The following SIGLEC1 variants were observed in gnomAD, a reference collection of about 807,000 sequenced individuals.
SIGLEC1 encodes the protein sialoadhesin.
In SIGLEC1, 132 loss-of-function variants were observed where a neutral mutation model predicts 148.0. That is an observed-to-expected ratio of 0.89 (90% CI 0.77 to 1.03). The LOEUF is 1.03. Ranked by LOEUF, SIGLEC1 falls within the 50% of genes least tolerant of loss-of-function variation. The pLI is 0.00. For synonymous variants in SIGLEC1, 945 were observed against 969.0 expected (o/e 0.98, Z 0.46); for missense variants, 2,253 against 2,271.4 (o/e 0.99, Z 0.16).
chr20:3,706,561 G>C lies in SIGLEC1; in HGVS notation c.195C>G (p.Gly65=), dbSNP rs767126749. The change falls in exon 3 of 22, where the codon GGC becomes GGG. Residue 65 remains glycine (G), a synonymous_variant. Transcript: ENST00000344754. ...CCGAGTGGCTCACCACCTGCCGCTGGCCCGAGTAGTCGTAGTACCAGATGG... is the reference window on the plus strand; with the variant it reads ...CCGAGTGGCTCACCACCTGCCGCTGCCCCGAGTAGTCGTAGTACCAGATGG... ...ITAIWYYDYS[G]QRQVVSHSAD... is the part of the protein sequence containing the mutation. The C allele has an allele frequency of 6.2e-7, 1 of 1,612,884 alleles. No homozygotes were observed. Among genetic ancestry groups the C allele is most frequent in the Non-Finnish European group, 8.5e-7 (1 of 1,179,854 alleles).
At position 3,694,240 on chromosome 20, in the gene SIGLEC1, T is replaced by A. The variant is rs771657782; in HGVS notation, c.3237A>T (p.Ser1079=). ...ASNTLGQASA[S]ADFDAQAVNV... is the part of the protein sequence containing the mutation. ...ACTGACCTTGAGCGTCGAAGTCAGC[T>A]GAGGCCGAGGCCTGGCCCAGGGTGT... Residue 1079 remains serine (S), a synonymous_variant, in exon 13 of 22, where the codon TCA becomes TCT. Transcript: ENST00000344754. 7 of 1,610,236 alleles carry A rather than the reference T, an allele frequency of 4.3e-6. No individual in the cohort carries two copies. Among genetic ancestry groups the A allele is most frequent in the Non-Finnish European group, 5.1e-6 (6 of 1,178,692 alleles).
intron 19 of SIGLEC1, 74 bp downstream of exon 19, chr20:3,689,888 G>A (rs746385685): frequency 7.5e-6 from 10 of 1,338,990 alleles, no homozygotes; most frequent in East Asian, 2.5e-5. Context: ...AGGGATACAG[G>A]GAAGGAAGCC....
intron 18 of SIGLEC1, 124 bp downstream of exon 18, chr20:3,691,216 G>A (rs1718060660): frequency 1.6e-6 from 2 of 1,246,978 alleles, no homozygotes; most frequent in Admixed American, 4.0e-5. Flanking sequence ...GGGAGAGCCA[G>A]GATTCCAACC....
chr20:3,697,399 C>A (rs1436893851), intron 9 of SIGLEC1, 57 bp from the exon 10 acceptor site: 2 of 1,601,624 alleles, frequency 1.2e-6, no homozygotes, highest in African/African-American at 1.3e-5. Context: ...AGCCAGGGGT[C>A]CAGCCGCCCA....
chr20:3,704,677 C>G (rs981630745), intron 4 of SIGLEC1, among the ~76,000 whole-genome samples: 2 of 152,236 alleles, frequency 1.3e-5, no homozygotes, highest in African/African-American at 4.8e-5. Flanking sequence ...AGTGCAGAGG[C>G]ACAATCATAG....
chr20:3,705,659 C>T (rs540478454), intron 4 of SIGLEC1, 85 bp downstream of exon 4: 19 of 1,442,526 alleles, frequency 1.3e-5, no homozygotes, highest in East Asian at 6.9e-5. Flanking sequence ...GCAAGGGTTC[C>T]GTTTCTGTGG....
rs777553761 is a variant in SIGLEC1, at chr20:3,696,804, C to T, written c.2465G>A (p.Arg822His). 11 of 1,610,382 alleles carry T rather than the reference C, an allele frequency of 6.8e-6. No homozygotes were observed. The highest frequency in any genetic ancestry group is 5.3e-5 in the African/African-American group (4 of 74,876). ...MALFICTVDS[R>H]PLALLALFHG... is the part of the protein sequence containing the mutation. ...GAACAAGGCCAGCAAGGCCAGGGGG[C>T]GGCTGTCCACAGTGCAGATGAACAG... The change falls in exon 11 of 22, where the codon CGC (arginine) becomes CAC (histidine). Residue 822 changes from arginine to histidine, a missense_variant. Physicochemically the swap from Arg to His is conservative, Grantham distance 29. Transcript: ENST00000344754.
Position 3,691,562 on chromosome 20 carries a change from C to T in SIGLEC1, c.4369G>A (p.Glu1457Lys), listed in dbSNP as rs765002728. Residue 1457 changes from glutamate to lysine, a missense_variant, in exon 18 of 22, where the codon GAG (glutamate) becomes AAG (lysine). Transcript: ENST00000344754. ...VVAEPGLDVP[E>K]GAALNLSCRL... is the part of the protein sequence containing the mutation. The stretch of plus-strand genomic sequence containing the variant: ...CAGCTGAGGTTCAGGGCAGCGCCCT[C>T]AGGCACGTCCAGGCCAGGCTCTGCC... The T allele has an allele frequency of 6.2e-7, 1 of 1,612,904 alleles. No individual in the cohort carries two copies. The highest frequency in any genetic ancestry group is 8.5e-7 in the Non-Finnish European group (1 of 1,179,942).
Position 3,691,977 on chromosome 20 carries a change from C to A in SIGLEC1, c.4256G>T (p.Gly1419Val), listed in dbSNP as rs1416850951. The A allele has an allele frequency of 6.2e-7, 1 of 1,612,284 alleles. No homozygotes were observed. Among genetic ancestry groups the A allele is most frequent in the Non-Finnish European group, 8.5e-7 (1 of 1,178,898 alleles). The change falls in exon 17 of 22, where the codon GGT becomes GTT. Residue 1419 changes from glycine (G) to valine (V), a missense_variant. Coordinates refer to ENST00000344754, the MANE Select transcript of SIGLEC1 (RefSeq NM_023068.4). ...LRLQVQDVPAGDDTYVCTAQN... is the reference protein window; with the variant it reads ...LRLQVQDVPAVDDTYVCTAQN... Reference sequence around the variant, plus strand: ...GGCTGTGCAAACATAGGTGTCATCACCTGCAGGCACATCTTGCACCTGCAG... The same window carrying A: ...GGCTGTGCAAACATAGGTGTCATCAACTGCAGGCACATCTTGCACCTGCAG...
intron 6 of SIGLEC1, among the ~76,000 whole-genome samples, chr20:3,702,427 A>C (rs1213904268): frequency 6.6e-6 from 1 of 152,084 alleles, no homozygotes; most frequent in East Asian, 1.9e-4. Context: ...CTCTACAAAA[A>C]CACAAAAATT....
chr20:3,705,880 C>A lies in SIGLEC1; in HGVS notation c.570G>T (p.Lys190Asn), dbSNP rs758709994. 24 of 1,614,172 alleles carry A rather than the reference C, an allele frequency of 1.5e-5. No homozygotes were observed. The highest frequency in any genetic ancestry group is 9.3e-5 in the African/African-American group (7 of 75,052). Residue 190 changes from lysine (K) to asparagine (N), a missense_variant, in exon 4 of 22, where the codon AAG becomes AAT. Physicochemically the swap from Lys to Asn is moderately conservative, Grantham distance 94. Coordinates refer to ENST00000344754, the MANE Select transcript of SIGLEC1 (RefSeq NM_023068.4). ...GGTGGCCGACGCCGGTGGGCTCAAA[C>A]TTCTGGCTGTTGAAGGTGACAGAGC... ...PARSVTFNSQ[K>N]FEPTGVGHLE...
rs750694661 is a variant in SIGLEC1, at chr20:3,691,494, A to G, written c.4437T>C (p.Phe1479=). The change falls in exon 18 of 22, where the codon TTT becomes TTC. Residue 1479 remains phenylalanine (F), a synonymous_variant. Transcript: ENST00000344754. The part of the protein sequence containing the change: ...GGPGPVGNST[F]AWFWNDRRLH... ...GCCGCCGGTCATTCCAGAACCATGC[A>G]AAGGTGGAGTTGCCCACAGGCCCAG... The G allele has an allele frequency of 2.5e-6, 4 of 1,613,414 alleles. No individual in the cohort carries two copies. In the Admixed American group the frequency reaches 5.0e-5, roughly 20 times the overall value.
chr20:3,711,066 G>A (rs1057393917), intron 1 of SIGLEC1, among the ~76,000 whole-genome samples: 4 of 152,226 alleles, frequency 2.6e-5, no homozygotes, highest in African/African-American at 7.2e-5. Context: ...TGAGCACGCA[G>A]CGCCCCCTGG....
In SIGLEC1 at chr20:3,694,332, T is replaced by A. The variant is rs777463843; in HGVS notation, c.3145A>T (p.Thr1049Ser). The A allele has an allele frequency of 6.2e-7, 1 of 1,613,110 alleles. No individual in the cohort carries two copies. The highest frequency in any genetic ancestry group is 1.1e-5 in the South Asian group (1 of 91,076). The change falls in exon 13 of 22, where the codon ACA becomes TCA. Residue 1049 changes from threonine to serine, a missense_variant. Physicochemically the swap from Thr to Ser is moderately conservative, Grantham distance 58. Transcript: ENST00000344754. ...PRLHVAVAPN[T>S]LRLEIHGAML... ...GCCCCGTGGATCTCCAGACGCAGTG[T>A]GTTGGGGGCCACAGCCACATGCAGC...
In SIGLEC1 at chr20:3,693,534, C is replaced by T; in HGVS notation, c.3421G>A (p.Val1141Ile). The change falls in exon 14 of 22, where the codon GTC becomes ATC. Residue 1141 changes from valine to isoleucine, a missense_variant. By Grantham distance (29) the Val-to-Ile change is conservative. Transcript: ENST00000344754. ...CAGCGGTAGGAGGTGGCATCCCTGA[C>T]TGTGACGTTGGGCAGGGGGATGGAG... ...AHSIPLPNVT[V>I]RDATSYRCGV... 2 of 1,612,130 alleles carry T rather than the reference C, an allele frequency of 1.2e-6. No individual in the cohort carries two copies. Among genetic ancestry groups the T allele is most frequent in the Non-Finnish European group, 8.5e-7 (1 of 1,179,270 alleles).
intron 7 of SIGLEC1, 118 bp downstream of exon 7, chr20:3,701,224 G>T: frequency 1.1e-6 from 1 of 952,158 alleles, no homozygotes; most frequent in Non-Finnish European, 1.5e-6. Flanking sequence ...CTTTTATGTG[G>T]CGTAGCCAGT....
At position 3,699,381 on chromosome 20, in the gene SIGLEC1, C is replaced by T. The variant is rs1371943336; in HGVS notation, c.1607G>A (p.Ser536Asn). The T allele has an allele frequency of 9.3e-6, 15 of 1,607,960 alleles. No individual in the cohort carries two copies. Among genetic ancestry groups the T allele is most frequent in the Non-Finnish European group, 1.1e-5 (13 of 1,178,120 alleles). ...AVTLSCRSGL[S>N]PTPDARFSWY... is the part of the protein sequence containing the mutation. ...GGAGAAGCGGGCATCAGGTGTGGGG[C>T]TTAGGCCGCTTCTGCAGCTCAGTGT... The change falls in exon 8 of 22, where the codon AGC (serine) becomes AAC (asparagine). Residue 536 changes from serine to asparagine, a missense_variant. By Grantham distance (46) the Ser-to-Asn change is conservative. Coordinates refer to ENST00000344754, the MANE Select transcript of SIGLEC1 (RefSeq NM_023068.4).
In SIGLEC1 at chr20:3,697,796, A is replaced by T. The variant is rs755856323; in HGVS notation, c.2122+2T>A. On this transcript the variant is annotated splice_donor_variant, in intron 9 of 21. Coordinates refer to ENST00000344754, the MANE Select transcript of SIGLEC1 (RefSeq NM_023068.4). LOFTEE classifies it high-confidence loss of function. Reference sequence around the variant, plus strand: ...AGGCCACCCATTCCCTGCCTGACTCACCCTGGCCATTGAAGGTGGCTGAGG... The same window carrying T: ...AGGCCACCCATTCCCTGCCTGACTCTCCCTGGCCATTGAAGGTGGCTGAGG... 6.2e-7 allele frequency: 1 copy of T among 1,612,272 alleles called. No individual in the cohort carries two copies. The highest frequency in any genetic ancestry group is 8.5e-7 in the Non-Finnish European group (1 of 1,179,728).
At chr20:3,689,255 G>C (rs372070682) in intron 20 of SIGLEC1, 28 bp from the exon 21 acceptor site, 2 of 1,586,250 alleles carry the variant, frequency 1.3e-6, no homozygotes, top group African/African-American at 1.3e-5. Flanking sequence ...GACTCAGAGA[G>C]CCTCTCCCCT....
Sources: gnomAD v4.1 joint callset for allele counts (sites outside exome capture counted in the v4.1 genomes callset) on GRCh38, gnomAD v4.1.1 for gene constraint, MANE v1.5 for transcripts, NCBI Gene and HGNC (gene_info 2026-07-23, HGNC 2026-07-21) for gene names.